KIF26B: variants seen among roughly 807,000 people sequenced by gnomAD.
The protein encoded by KIF26B is kinesin-like protein KIF26B.
Under a neutral mutation model 151.2 loss-of-function variants are expected in KIF26B, and 63 were observed. The observed-to-expected ratio is 0.42, with a 90% CI of 0.34 to 0.51. The LOEUF (loss-of-function observed/expected upper bound fraction) is 0.51. Ranked by LOEUF, KIF26B falls within the 20% of genes least tolerant of loss-of-function variation. The pLI, the probability that KIF26B is intolerant of heterozygous loss-of-function variation, is 0.07. For synonymous variants in KIF26B, 1,357 were observed against 1,262.1 expected, an observed-to-expected ratio of 1.08 and a Z score of -1.59; for missense variants, 2,813 against 2,913.6, an observed-to-expected ratio of 0.97 and a Z score of 0.79.
intron 4 of KIF26B, among the ~76,000 whole-genome samples, chr1:245,486,073 A>T (rs889197722): frequency 2.6e-5 from 4 of 152,258 alleles, no homozygotes; most frequent in African/African-American, 4.8e-5. Flanking sequence ...AAAGAAATCC[A>T]TATTTCCTGA....
At chr1:245,446,489 G>T (rs1332228868) in intron 4 of KIF26B, among the ~76,000 whole-genome samples, 2 of 152,186 alleles carry the variant, frequency 1.3e-5, no homozygotes, top group Non-Finnish European at 2.9e-5. Context: ...GAAACAGAGT[G>T]TCTGTGTAGG....
At chr1:245,348,850 T>A (rs1188802554) in intron 2 of KIF26B, among the ~76,000 whole-genome samples, 1 of 152,194 alleles carries the variant, frequency 6.6e-6, no homozygotes, top group African/African-American at 2.4e-5. Context: ...CTCCCCTGCC[T>A]GGGTCGCTTC....
chr1:245,665,399 T>C (rs115815882), intron 10 of KIF26B, among the ~76,000 whole-genome samples: 170 of 152,370 alleles, frequency 1.1e-3, no homozygotes, highest in African/African-American at 3.9e-3. Context: ...AGCTGCCTAA[T>C]GTCAGCAATT....
chr1:245,641,648 A>T (rs1328242061), intron 9 of KIF26B, among the ~76,000 whole-genome samples: 1 of 151,470 alleles, frequency 6.6e-6, no homozygotes, highest in Non-Finnish European at 1.5e-5. Context: ...CATTTATTGA[A>T]TTTTTTACCT....
chr1:245,252,080 T>C (rs1265106659), intron 2 of KIF26B, among the ~76,000 whole-genome samples: 1 of 151,692 alleles, frequency 6.6e-6, no homozygotes, highest in East Asian at 1.9e-4. Flanking sequence ...CTGGGCAACG[T>C]GGTAAAAACC....
chr1:245,210,782 C>G (rs1250061857), intron 2 of KIF26B, among the ~76,000 whole-genome samples: 2 of 152,076 alleles, frequency 1.3e-5, no homozygotes, highest in East Asian at 3.9e-4. Context: ...CAAGGACATT[C>G]CCAAGCCCGT....
In KIF26B at chr1:245,581,964, A is replaced by AAGGAAGGAAGGAAGGAAGGAAG. The variant is rs61645005; in HGVS notation, c.1351-20613_1351-20612insAGGAAGGAAGGAAGGAAGGAAG. On this transcript the variant is annotated intron_variant, in intron 5 of 14. Transcript: ENST00000407071. ...AGGAAGGAAGGAAGGAAGGAAGGAA[A>AAGGAAGGAAGGAAGGAAGGAAG]TAAATAAGCAATAAGCATGAAGTGG... 6.7e-3 allele frequency among the ~76,000 whole-genome samples: 408 copies of AAGGAAGGAAGGAAGGAAGGAAG among 60,866 alleles called. 5 individuals are homozygous for AAGGAAGGAAGGAAGGAAGGAAG. The highest frequency in any genetic ancestry group is 0.021 in the African/African-American group (387 of 18,544). The allele number at this position is 60,866 out of a possible 152,430, so 39.9% of individuals were successfully genotyped here.
rs372876278 is a variant in KIF26B at position 245,616,819 on chromosome 1, C to T, written c.2098+4843C>T. On this transcript the variant is annotated intron_variant, in intron 9 of 14. Coordinates refer to ENST00000407071, the MANE Select transcript of KIF26B (RefSeq NM_018012.4). ...ACTTCAGGGTAATGCGCTAATGATA[C>T]GGAGATCGCACCTGTCCTGTTGACA... 3.2e-4 allele frequency among the ~76,000 whole-genome samples: 49 copies of T among 152,266 alleles called. No individual in the cohort carries two copies. In the East Asian group the frequency reaches 4.4e-3, roughly 14 times the overall value.
chr1:245,553,460 C>A (rs533794480), intron 5 of KIF26B, among the ~76,000 whole-genome samples: 2 of 152,204 alleles, frequency 1.3e-5, no homozygotes, highest in Non-Finnish European at 2.9e-5. Flanking sequence ...CCTCCTCTGC[C>A]GCTGACAGTC....
intron 2 of KIF26B, among the ~76,000 whole-genome samples, chr1:245,297,488 T>G (rs920982385): frequency 6.6e-6 from 1 of 152,226 alleles, no homozygotes; most frequent in African/African-American, 2.4e-5. Flanking sequence ...TCCATGTCTA[T>G]TATTCTTTCT....
intron 5 of KIF26B, among the ~76,000 whole-genome samples, chr1:245,553,163 G>A (rs767405551): frequency 1.3e-5 from 2 of 152,194 alleles, no homozygotes; most frequent in African/African-American, 2.4e-5. Flanking sequence ...CACCCCTGTG[G>A]GAAGCTTCCA....
chr1:245,169,810 G>A (rs1186117654), intron 2 of KIF26B, among the ~76,000 whole-genome samples: 1 of 151,978 alleles, frequency 6.6e-6, no homozygotes, highest in Non-Finnish European at 1.5e-5. Flanking sequence ...CCTTTATGGT[G>A]GTCAGGAAGG....
intron 2 of KIF26B, 76 bp downstream of exon 2, chr1:245,156,759 C>A: frequency 1.1e-6 from 1 of 935,946 alleles, no homozygotes; most frequent in Non-Finnish European, 1.4e-6. Flanking sequence ...AGCTGCTCAG[C>A]CCGCCGCGAC....
At chr1:245,502,548 A>AAG (rs1660644465) in intron 4 of KIF26B, among the ~76,000 whole-genome samples, 1 of 149,656 alleles carries the variant, frequency 6.7e-6, no homozygotes, top group Non-Finnish European at 1.5e-5. Flanking sequence ...AAAAAAAAAA[A>AAG]AAGAAGAAGA....
chr1:245,433,341 C>T (rs889262214), intron 4 of KIF26B, among the ~76,000 whole-genome samples: 5 of 151,802 alleles, frequency 3.3e-5, no homozygotes, highest in Admixed American at 6.6e-5. Flanking sequence ...GTGGTGGGCA[C>T]CTGTAGCCCC....
chr1:245,617,234 T>A (rs1419252500), intron 9 of KIF26B, among the ~76,000 whole-genome samples: 2 of 152,196 alleles, frequency 1.3e-5, no homozygotes, highest in Non-Finnish European at 2.9e-5. Context: ...GTAGCTGAGA[T>A]GACAGGCGTC....
chr1:245,388,933 GAAGACAGCAGCGTCC>G lies in KIF26B; in HGVS notation c.999+21567_999+21581del, dbSNP rs1465688943. ...TGACTCTGGGACAGTAAGCATTGCA[GAAGACAGCAGCGTCC>G]CTGATGTTGGAAGGAAGTCAGGCTT... On this transcript the variant is annotated intron_variant, in intron 3 of 14. Coordinates refer to ENST00000407071, the MANE Select transcript of KIF26B (RefSeq NM_018012.4). Among the ~76,000 whole-genome samples, 5 of 152,198 alleles carry G rather than the reference GAAGACAGCAGCGTCC, an allele frequency of 3.3e-5. No individual in the cohort carries two copies. In the East Asian group the frequency reaches 9.6e-4, roughly 29 times the overall value.
intron 4 of KIF26B, among the ~76,000 whole-genome samples, chr1:245,429,100 T>C (rs1304542750): frequency 6.6e-6 from 1 of 152,190 alleles, no homozygotes; most frequent in African/African-American, 2.4e-5. Context: ...GGCAAGTAAC[T>C]TAACCTTGCT....
chr1:245,696,607 A>G (rs957297731), intron 12 of KIF26B, among the ~76,000 whole-genome samples: 9 of 152,202 alleles, frequency 5.9e-5, no homozygotes, highest in Non-Finnish European at 7.3e-5. Flanking sequence ...GCCAACAAAC[A>G]GTCAGCTAGC....
Sources: allele counts gnomAD v4.1 joint callset (sites outside exome capture counted in the v4.1 genomes callset), GRCh38; gene constraint gnomAD v4.1.1; transcripts MANE v1.5; gene names NCBI Gene and HGNC (gene_info 2026-07-23, HGNC 2026-07-21).